Variants in KCTD20 observed in about 807,000 individuals in gnomAD.
KCTD20 encodes the protein potassium channel tetramerization domain containing 20.
Under a neutral mutation model 39.6 loss-of-function variants are expected in KCTD20, and 30 were observed. The observed-to-expected ratio is 0.76, with a 90% CI of 0.57 to 1.03. KCTD20 has a LOEUF of 1.03. KCTD20 is among the 50% of genes least tolerant of loss of function. KCTD20 has a pLI of 0.00. For synonymous variants in KCTD20, 162 were observed against 180.6 expected (o/e 0.90, Z 0.83); for missense variants, 422 against 522.0 (o/e 0.81, Z 1.87).
At chr6:36,446,629 T>A (rs1364144469) in intron 1 of KCTD20, among the ~76,000 whole-genome samples, 1 of 152,164 alleles carries the variant, frequency 6.6e-6, no homozygotes, top group Non-Finnish European at 1.5e-5. Flanking sequence ...TGTATTATTT[T>A]AAAAATTAAA....
chr6:36,447,885 G>A (rs1775097753), intron 1 of KCTD20, among the ~76,000 whole-genome samples: 1 of 151,488 alleles, frequency 6.6e-6, no homozygotes, highest in Non-Finnish European at 1.5e-5. Context: ...TAGCTACTCT[G>A]GAGGCCAGGG....
At chr6:36,479,562 T>A in intron 4 of KCTD20, 29 bp from the exon 5 acceptor site, 1 of 1,589,840 alleles carries the variant, frequency 6.3e-7, no homozygotes, top group Non-Finnish European at 8.5e-7. Flanking sequence ...GTTCTCTGCC[T>A]ACATTTTTTC....
rs1325023491 is a variant in KCTD20 at position 36,489,844 on chromosome 6, T to C, written c.*2669T>C. The C allele has an allele frequency of 6.6e-6, 1 of 152,216 alleles. No individual in the cohort carries two copies. The highest frequency in any genetic ancestry group is 1.5e-5 in the Non-Finnish European group (1 of 68,028). 9.4% of individuals were successfully genotyped at this position (152,216 alleles called of 1,614,324 possible). ...GAATCTTGAGTTTGCATCTGCATCATATCATGCTGTTTTGATGAGGAAACA... is the reference window on the plus strand; with the variant it reads ...GAATCTTGAGTTTGCATCTGCATCACATCATGCTGTTTTGATGAGGAAACA... On this transcript the variant is annotated 3_prime_UTR_variant, in exon 8 of 8. Transcript: ENST00000373731.
At chr6:36,460,040 A>G (rs890153954) in intron 1 of KCTD20, among the ~76,000 whole-genome samples, 4 of 152,020 alleles carry the variant, frequency 2.6e-5, no homozygotes, top group African/African-American at 4.8e-5. Context: ...TCCTTTAGAG[A>G]GTTTTAGGTA....
At chr6:36,467,553 G>A (rs1036504559) in intron 1 of KCTD20, among the ~76,000 whole-genome samples, 3 of 151,066 alleles carry the variant, frequency 2.0e-5, no homozygotes, top group East Asian at 4.0e-4. Context: ...AGCCAGGATG[G>A]TCTCGATCTC....
rs1776559528 is a variant in KCTD20, at chr6:36,490,621, G to A, written c.*3446G>A. On this transcript the variant is annotated 3_prime_UTR_variant, in exon 8 of 8. Coordinates refer to ENST00000373731, the MANE Select transcript of KCTD20 (RefSeq NM_173562.5). ...CCAGCACTTTGGGAGGCCAAGGTGGGAGGATCACTTGAGGTCAGGAGTTTC... is the reference window on the plus strand; with the variant it reads ...CCAGCACTTTGGGAGGCCAAGGTGGAAGGATCACTTGAGGTCAGGAGTTTC... 1 of 152,308 alleles carries A rather than the reference G, an allele frequency of 6.6e-6. No individual in the cohort carries two copies. The highest frequency in any genetic ancestry group is 2.1e-4 in the South Asian group (1 of 4,830). 9.4% of individuals were successfully genotyped at this position (152,308 alleles called of 1,614,324 possible).
chr6:36,473,543 C>T (rs987455062), intron 2 of KCTD20, among the ~76,000 whole-genome samples: 7 of 152,014 alleles, frequency 4.6e-5, no homozygotes, highest in Non-Finnish European at 1.5e-5. Context: ...GAGGCCAAGG[C>T]GGGCGGATCA....
At chr6:36,452,603 C>T (rs188643549) in intron 1 of KCTD20, 5 of 145,684 alleles carry the variant, frequency 3.4e-5, no homozygotes, top group South Asian at 2.1e-4. Flanking sequence ...AGTGCAATGT[C>T]GCTATCTTGG....
At chr6:36,461,019 A>G (rs1240601704) in intron 1 of KCTD20, among the ~76,000 whole-genome samples, 5 of 152,160 alleles carry the variant, frequency 3.3e-5, no homozygotes, top group Non-Finnish European at 5.9e-5. Context: ...AATAATATTT[A>G]TAAAGTACTT....
At chr6:36,459,415 T>A (rs1045127060) in intron 1 of KCTD20, among the ~76,000 whole-genome samples, 3 of 152,272 alleles carry the variant, frequency 2.0e-5, no homozygotes, top group Non-Finnish European at 2.9e-5. Context: ...TTAACATTTT[T>A]AAAATCAGGA....
chr6:36,459,637 T>C (rs1015856240), intron 1 of KCTD20, among the ~76,000 whole-genome samples: 3 of 152,230 alleles, frequency 2.0e-5, no homozygotes, highest in Admixed American at 6.5e-5. Flanking sequence ...CACTGTTTTC[T>C]GACAGTGATT....
intron 2 of KCTD20, 119 bp downstream of exon 2, chr6:36,470,376 G>A: frequency 1.1e-6 from 1 of 944,992 alleles, no homozygotes; most frequent in African/African-American, 1.6e-5. Context: ...TGCTTAGCTT[G>A]CATGTCACAA....
At chr6:36,457,604 C>CT (rs548470680) in intron 1 of KCTD20, among the ~76,000 whole-genome samples, 4 of 152,064 alleles carry the variant, frequency 2.6e-5, no homozygotes, top group Admixed American at 6.6e-5. Context: ...ATACCAGCTA[C>CT]TTGGGAGGCT....
chr6:36,481,439 C>T (rs1170395634), intron 5 of KCTD20, 123 bp from the exon 6 acceptor site: 1 of 719,518 alleles, frequency 1.4e-6, no homozygotes, highest in East Asian at 2.6e-5. Context: ...ATCTCTTTGC[C>T]TTTAAATGTG....
intron 1 of KCTD20, among the ~76,000 whole-genome samples, chr6:36,456,444 A>G (rs1342298568): frequency 2.6e-5 from 4 of 151,892 alleles, no homozygotes; most frequent in Non-Finnish European, 5.9e-5. Flanking sequence ...ACATCCAGCT[A>G]ATTTTTGTAT....
chr6:36,465,373 A>T (rs892850071), intron 1 of KCTD20, among the ~76,000 whole-genome samples: 1 of 149,846 alleles, frequency 6.7e-6, no homozygotes, highest in Non-Finnish European at 1.5e-5. Context: ...TGCCATTCCA[A>T]TTAGTTTTTT....
intron 1 of KCTD20, chr6:36,452,429 C>T (rs1449771470): frequency 6.6e-6 from 1 of 151,660 alleles, no homozygotes; most frequent in Non-Finnish European, 1.5e-5. Flanking sequence ...TCTGCAAATT[C>T]TAATTTACTG....
At chr6:36,461,909 G>A (rs910989209) in intron 1 of KCTD20, among the ~76,000 whole-genome samples, 2 of 152,182 alleles carry the variant, frequency 1.3e-5, no homozygotes, top group Non-Finnish European at 2.9e-5. Context: ...AATCAGAGGA[G>A]TACGAGCTTT....
chr6:36,463,356 G>A (rs1775653677), intron 1 of KCTD20, among the ~76,000 whole-genome samples: 1 of 152,068 alleles, frequency 6.6e-6, no homozygotes. Flanking sequence ...ATACTGTTAA[G>A]TAATATAACA....
Sources: allele counts gnomAD v4.1 joint callset (sites outside exome capture counted in the v4.1 genomes callset), GRCh38; gene constraint gnomAD v4.1.1; transcripts MANE v1.5; gene names NCBI Gene and HGNC (gene_info 2026-07-23, HGNC 2026-07-21).